ZNF382: variants seen among roughly 807,000 people sequenced by gnomAD.
ZNF382 encodes the protein zinc finger protein 382.
In ZNF382, 20 loss-of-function variants were observed where a neutral mutation model predicts 38.8. The ratio of observed to expected loss-of-function variants is 0.51; its 90% CI spans 0.36 to 0.75. The LOEUF is 0.75. Among genes scored for constraint, ZNF382 ranks in the 30% least tolerant of loss-of-function variants. The pLI, the probability that ZNF382 is intolerant of heterozygous loss-of-function variation, is 0.00. For synonymous variants in ZNF382, 202 were observed against 223.1 expected (o/e 0.91, Z 0.84); for missense variants, 546 against 654.1 (o/e 0.83, Z 1.80).
intron 4 of ZNF382, among the ~76,000 whole-genome samples, chr19:36,613,670 C>T (rs1433975026): frequency 6.6e-6 from 1 of 151,634 alleles, no homozygotes; most frequent in South Asian, 2.1e-4. Context: ...GAACTCCTGA[C>T]CTCAGGTGAT....
chr19:36,616,639 TAG>T (rs1256754101), intron 4 of ZNF382, among the ~76,000 whole-genome samples: 1 of 152,228 alleles, frequency 6.6e-6, no homozygotes, highest in Non-Finnish European at 1.5e-5. Flanking sequence ...CCAATATTTG[TAG>T]AGATTTTCAG....
intron 1 of ZNF382, among the ~76,000 whole-genome samples, chr19:36,605,950 G>A (rs991418107): frequency 3.9e-5 from 6 of 152,276 alleles, no homozygotes; most frequent in Admixed American, 6.5e-5. Flanking sequence ...AATGACAAGT[G>A]GGGCCTGTAG....
Position 36,626,196 on chromosome 19 carries a change from C to A in ZNF382, c.299C>A (p.Pro100His), listed in dbSNP as rs1240336968. ...GAATACCAAGACAGGCATTCTAGAC[C>A]CCTCATATTCATCAACCACAAAAAA... ...FKEYQDRHSR[P>H]LIFINHKKLI... The change falls in exon 5 of 5, where the codon CCC becomes CAC. Residue 100 changes from proline (P) to histidine (H), a missense_variant. Coordinates refer to ENST00000292928, the MANE Select transcript of ZNF382 (RefSeq NM_032825.5). 4 of 1,586,496 alleles carry A rather than the reference C, an allele frequency of 2.5e-6. No homozygotes were observed. Among genetic ancestry groups the A allele is most frequent in the Non-Finnish European group, 3.4e-6 (4 of 1,171,358 alleles).
chr19:36,611,133 C>CA (rs1257914447), intron 4 of ZNF382, among the ~76,000 whole-genome samples: 4 of 151,802 alleles, frequency 2.6e-5, no homozygotes, highest in Non-Finnish European at 1.5e-5. Context: ...ACTAAAAATA[C>CA]AAAAAAATTA....
chr19:36,607,668 T>C lies in ZNF382; in HGVS notation c.-14+46T>C, dbSNP rs2037045523. 5.4e-6 allele frequency: 8 copies of C among 1,482,098 alleles called. No homozygotes were observed. In the East Asian group the frequency reaches 2.0e-4, roughly 37 times the overall value. 91.8% of individuals were successfully genotyped at this position (1,482,098 alleles called of 1,614,324 possible). A position where few individuals can be genotyped will look rare whatever the true frequency, so the allele number is the denominator to read the frequency against. The stretch of plus-strand genomic sequence containing the variant: ...TTTCTGAAATAACTTTTTTTCATGG[T>C]GTATGAACATGAGCTTCACTGTCCT... On this transcript the variant is annotated intron_variant, in intron 2 of 4. Coordinates refer to ENST00000292928, the MANE Select transcript of ZNF382 (RefSeq NM_032825.5).
chr19:36,621,276 G>A (rs759325114), intron 4 of ZNF382, among the ~76,000 whole-genome samples: 5 of 147,822 alleles, frequency 3.4e-5, no homozygotes, highest in Non-Finnish European at 7.4e-5. Flanking sequence ...ATCATTTCAG[G>A]TGTGGGCTAC....
At position 36,628,184 on chromosome 19, in the gene ZNF382, G is replaced by T. The variant is rs2145338862; in HGVS notation, c.*634G>T. 1 of 152,294 alleles carries T rather than the reference G, an allele frequency of 6.6e-6. No homozygotes were observed. The highest frequency in any genetic ancestry group is 1.5e-5 in the Non-Finnish European group (1 of 68,066). 9.4% of individuals were successfully genotyped at this position (152,294 alleles called of 1,614,324 possible). A position where few individuals can be genotyped will look rare whatever the true frequency, so the allele number is the denominator to read the frequency against. On this transcript the variant is annotated 3_prime_UTR_variant, in exon 5 of 5. Coordinates refer to ENST00000292928, the MANE Select transcript of ZNF382 (RefSeq NM_032825.5). ...TATCCAGTATAGAATTCAATTATAT[G>T]ATTATATCACAATTTATCCATTCTG...
rs1051029741 is a variant in ZNF382 at position 36,628,276 on chromosome 19, T to C, written c.*726T>C. 25 of 152,520 alleles carry C rather than the reference T, an allele frequency of 1.6e-4. No individual in the cohort carries two copies. Among genetic ancestry groups the C allele is most frequent in the African/African-American group, 5.8e-4 (24 of 41,458 alleles). The allele number at this position is 152,520 out of a possible 1,614,324, so 9.4% of individuals were successfully genotyped here. On this transcript the variant is annotated 3_prime_UTR_variant, in exon 5 of 5. Coordinates refer to ENST00000292928, the MANE Select transcript of ZNF382 (RefSeq NM_032825.5). ...ATAAATCATGCTTCTGAGAACATAC[T>C]TGTCTTGGTGTACATACATGTATTT...
At chr19:36,607,238 C>A (rs2037040862) in intron 1 of ZNF382, among the ~76,000 whole-genome samples, 2 of 152,154 alleles carry the variant, frequency 1.3e-5, no homozygotes, top group Admixed American at 1.3e-4. Context: ...TTTGGAAATA[C>A]ACAGTAAACC....
intron 4 of ZNF382, among the ~76,000 whole-genome samples, chr19:36,613,873 T>C (rs900523829): frequency 6.6e-6 from 1 of 152,276 alleles, no homozygotes; most frequent in Non-Finnish European, 1.5e-5. Context: ...TGAATTACTA[T>C]GGTGATCATA....
intron 4 of ZNF382, among the ~76,000 whole-genome samples, chr19:36,614,864 C>G (rs1336787219): frequency 6.7e-6 from 1 of 148,384 alleles, no homozygotes; most frequent in Non-Finnish European, 1.5e-5. Context: ...TGAACCATTT[C>G]TTTCTTTCTT....
chr19:36,610,680 G>T lies in ZNF382; in HGVS notation c.170G>T (p.Arg57Leu), dbSNP rs750087973. 3.7e-6 allele frequency: 6 copies of T among 1,612,760 alleles called. No homozygotes were observed. The highest frequency in any genetic ancestry group is 1.3e-5 in the African/African-American group (1 of 74,856). ...GFHMAKPDMIRKLEQGEELWT... is the reference protein window; with the variant it reads ...GFHMAKPDMILKLEQGEELWT... ...CACATGGCTAAGCCTGATATGATCCGCAAGTTGGAACAAGGAGAAGAGCTA... is the reference window on the plus strand; with the variant it reads ...CACATGGCTAAGCCTGATATGATCCTCAAGTTGGAACAAGGAGAAGAGCTA... The change falls in exon 4 of 5, where the codon CGC becomes CTC. Residue 57 changes from arginine to leucine, a missense_variant. Arg to Leu is a moderately radical substitution (Grantham distance 102). Transcript: ENST00000292928.
In ZNF382 at chr19:36,627,387, G is replaced by A; in HGVS notation, c.1490G>A (p.Cys497Tyr). The A allele has an allele frequency of 3.7e-6, 6 of 1,614,188 alleles. No homozygotes were observed. The highest frequency in any genetic ancestry group is 5.1e-6 in the Non-Finnish European group (6 of 1,180,040). ...GAAAAATCCAATGGGTGTCCTCAGT[G>A]TGGGAAAGCCTTCAGTAGGAAATCA... ...TGEKSNGCPQ[C>Y]GKAFSRKSNL... The change falls in exon 5 of 5, where the codon TGT (cysteine) becomes TAT (tyrosine). Residue 497 changes from cysteine to tyrosine, a missense_variant. Cys to Tyr is a radical substitution (Grantham distance 194). Transcript: ENST00000292928.
intron 4 of ZNF382, among the ~76,000 whole-genome samples, chr19:36,611,055 A>G (rs1381463181): frequency 6.6e-6 from 1 of 152,180 alleles, no homozygotes; most frequent in Non-Finnish European, 1.5e-5. Flanking sequence ...AGCCAAGGCC[A>G]AGGTGGGTGG....
At chr19:36,613,794 A>T (rs2037098327) in intron 4 of ZNF382, among the ~76,000 whole-genome samples, 1 of 152,036 alleles carries the variant, frequency 6.6e-6, no homozygotes, top group South Asian at 2.1e-4. Context: ...TTTGTTTATG[A>T]TGTGAAGTAG....
chr19:36,610,809 G>A, intron 4 of ZNF382, 67 bp downstream of exon 4: 1 of 1,238,172 alleles, frequency 8.1e-7, no homozygotes, highest in East Asian at 2.4e-5. Flanking sequence ...AATGTTTTTA[G>A]GGATCTATTT....
At position 36,618,161 on chromosome 19, in the gene ZNF382, C is replaced by T. The variant is rs11881394; in HGVS notation, c.232+7419C>T. ...ATTTAAAAATACCAGAAAGGGACTG[C>T]CCCATATTGGTCTTCATGAATCCAT... On this transcript the variant is annotated intron_variant, in intron 4 of 4. Transcript: ENST00000292928. 9.6e-3 allele frequency among the ~76,000 whole-genome samples: 1,460 copies of T among 152,248 alleles called. 30 individuals are homozygous for T. The highest frequency in any genetic ancestry group is 0.033 in the African/African-American group (1,377 of 41,546).
chr19:36,611,523 A>C (rs185548811), intron 4 of ZNF382, among the ~76,000 whole-genome samples: 85 of 152,264 alleles, frequency 5.6e-4, no homozygotes, highest in Admixed American at 1.3e-3. Flanking sequence ...TGTATATACT[A>C]TATTTTGCTT....
At chr19:36,613,476 C>T (rs56261527) in intron 4 of ZNF382, among the ~76,000 whole-genome samples, 1,906 of 144,714 alleles carry the variant, frequency 0.013, 28 homozygotes, top group African/African-American at 0.034. Context: ...CAGGCTGGAG[C>T]GCAATGGTGT....
Sources: allele counts gnomAD v4.1 joint callset (sites outside exome capture counted in the v4.1 genomes callset), GRCh38; gene constraint gnomAD v4.1.1; transcripts MANE v1.5; gene names NCBI Gene and HGNC (gene_info 2026-07-23, HGNC 2026-07-21).